The following DCUN1D3 variants were observed in gnomAD, a reference collection of about 807,000 sequenced individuals.
The protein encoded by DCUN1D3 is defective in cullin neddylation 1 domain containing 3.
In DCUN1D3, 6 loss-of-function variants were observed where a neutral mutation model predicts 24.8. That is an observed-to-expected ratio of 0.24 (90% CI 0.13 to 0.48). The LOEUF is 0.48. Ranked by LOEUF, DCUN1D3 falls within the 20% of genes least tolerant of loss-of-function variation. DCUN1D3 has a pLI of 0.99. For missense variants in DCUN1D3, 258 were observed against 379.4 expected (o/e 0.68, Z 2.66); for synonymous variants, 120 against 144.9 (o/e 0.83, Z 1.24).
chr16:20,865,123 T>G (rs893258276), intron 1 of DCUN1D3, among the ~76,000 whole-genome samples: 2 of 149,972 alleles, frequency 1.3e-5, no homozygotes, highest in African/African-American at 4.9e-5. Flanking sequence ...AACCTTGACA[T>G]GTACCCCCAA....
intron 1 of DCUN1D3, among the ~76,000 whole-genome samples, chr16:20,876,686 A>C (rs570958559): frequency 6.6e-6 from 1 of 152,352 alleles, no homozygotes; most frequent in South Asian, 2.1e-4. Context: ...AATAGCCAAA[A>C]TATGGAATCC....
intron 1 of DCUN1D3, among the ~76,000 whole-genome samples, chr16:20,891,128 C>A (rs139321286): frequency 6.6e-6 from 1 of 151,788 alleles, no homozygotes; most frequent in Non-Finnish European, 1.5e-5. Context: ...CGAATAGCTA[C>A]GATTACAGGC....
intron 1 of DCUN1D3, among the ~76,000 whole-genome samples, chr16:20,862,899 C>T (rs933538402): frequency 2.4e-4 from 36 of 152,176 alleles, no homozygotes; most frequent in African/African-American, 7.7e-4. Context: ...TCAAAGAGGC[C>T]GATTCATATG....
intron 1 of DCUN1D3, among the ~76,000 whole-genome samples, chr16:20,879,453 T>C (rs182618305): frequency 7.2e-5 from 11 of 152,272 alleles, no homozygotes; most frequent in Admixed American, 5.9e-4. Flanking sequence ...AAAGAGGAAA[T>C]GTTTGAAACC....
chr16:20,876,825 C>T (rs953858224), intron 1 of DCUN1D3, among the ~76,000 whole-genome samples: 16 of 152,238 alleles, frequency 1.1e-4, no homozygotes, highest in African/African-American at 1.7e-4. Context: ...GAGGTCATTA[C>T]GTTAAGTGAA....
intron 1 of DCUN1D3, among the ~76,000 whole-genome samples, chr16:20,865,266 C>T (rs1221567249): frequency 6.6e-6 from 1 of 151,764 alleles, no homozygotes; most frequent in Non-Finnish European, 1.5e-5. Context: ...CAGATTTACC[C>T]AAATACAATC....
At chr16:20,881,763 CCT>C (rs2081844856) in intron 1 of DCUN1D3, among the ~76,000 whole-genome samples, 1 of 152,068 alleles carries the variant, frequency 6.6e-6, no homozygotes, top group South Asian at 2.1e-4. Flanking sequence ...AAACTGCTCC[CCT>C]AATTTCAAAC....
At chr16:20,889,470 G>A (rs1362433597) in intron 1 of DCUN1D3, among the ~76,000 whole-genome samples, 1 of 152,158 alleles carries the variant, frequency 6.6e-6, no homozygotes, top group Non-Finnish European at 1.5e-5. Flanking sequence ...CACCTTTGAA[G>A]TTCAAGAATA....
rs1437116621 is a variant in DCUN1D3, at chr16:20,858,523, T to TATATATATATATTTTATATAGGTAAA, written c.*1337_*1362dup. On this transcript the variant is annotated 3_prime_UTR_variant, in exon 3 of 3. Coordinates refer to ENST00000324344, the MANE Select transcript of DCUN1D3 (RefSeq NM_173475.4). ...AAAGGAATATAGATACATATATGTG[T>TATATATATATATTTTATATAGGTAAA]ATATATATATATTTTATATAGGTAA... 7.5e-5 allele frequency: 11 copies of TATATATATATATTTTATATAGGTAAA among 146,018 alleles called. No individual in the cohort carries two copies. The highest frequency in any genetic ancestry group is 1.2e-4 in the Non-Finnish European group (8 of 66,590). The allele number at this position is 146,018 out of a possible 1,614,324, so 9.0% of individuals were successfully genotyped here. A position where few individuals can be genotyped will look rare whatever the true frequency, so the allele number is the denominator to read the frequency against.
chr16:20,865,800 G>T (rs576634476), intron 1 of DCUN1D3, among the ~76,000 whole-genome samples: 2 of 152,260 alleles, frequency 1.3e-5, no homozygotes, highest in African/African-American at 2.4e-5. Flanking sequence ...TAAATTGGGG[G>T]TCGTCTTCAA....
intron 1 of DCUN1D3, among the ~76,000 whole-genome samples, chr16:20,886,604 A>G (rs1429887067): frequency 6.6e-6 from 1 of 152,228 alleles, no homozygotes; most frequent in East Asian, 1.9e-4. Flanking sequence ...TAAATCTTCA[A>G]CTGGCACGAT....
chr16:20,883,199 C>T (rs1034135485), intron 1 of DCUN1D3, among the ~76,000 whole-genome samples: 24 of 152,202 alleles, frequency 1.6e-4, no homozygotes, highest in Non-Finnish European at 3.2e-4. Context: ...AACTTCAGTA[C>T]TTTAAAAGTG....
intron 1 of DCUN1D3, among the ~76,000 whole-genome samples, chr16:20,881,360 G>C (rs2081842629): frequency 1.3e-5 from 2 of 152,114 alleles, no homozygotes; most frequent in South Asian, 4.1e-4. Context: ...TGACCGATGA[G>C]TGTGCCACTG....
rs752696240 is a variant in DCUN1D3 at position 20,869,381 on chromosome 16, C to T, written c.-105-6738G>A. Among the ~76,000 whole-genome samples, 5 of 152,278 alleles carry T rather than the reference C, an allele frequency of 3.3e-5. No homozygotes were observed. In the East Asian group the frequency reaches 5.8e-4, roughly 18 times the overall value. ...AAGAAAGGTAGGGAGGGACTGGGGA[C>T]GTGAAATCAGTATCTGTGGAGCCTG... On this transcript the variant is annotated intron_variant, in intron 1 of 2. Transcript: ENST00000324344.
chr16:20,882,100 C>G (rs897438841), intron 1 of DCUN1D3, among the ~76,000 whole-genome samples: 2 of 151,600 alleles, frequency 1.3e-5, no homozygotes, highest in Non-Finnish European at 2.9e-5. Flanking sequence ...CGTGCCCGGC[C>G]TAGTCTTATA....
At chr16:20,883,339 C>T (rs1326264019) in intron 1 of DCUN1D3, among the ~76,000 whole-genome samples, 3 of 152,028 alleles carry the variant, frequency 2.0e-5, no homozygotes, top group African/African-American at 2.4e-5. Context: ...GGTGAAACCC[C>T]GTCTCTACTA....
At chr16:20,886,185 T>C (rs939235148) in intron 1 of DCUN1D3, among the ~76,000 whole-genome samples, 1 of 152,162 alleles carries the variant, frequency 6.6e-6, no homozygotes, top group Non-Finnish European at 1.5e-5. Context: ...CTTGAGTTAG[T>C]CAAGTCTTTA....
At chr16:20,891,610 G>A (rs1322056046) in intron 1 of DCUN1D3, among the ~76,000 whole-genome samples, 2 of 152,184 alleles carry the variant, frequency 1.3e-5, no homozygotes, top group Non-Finnish European at 2.9e-5. Flanking sequence ...CCTTCGAGGG[G>A]GCACAGTGGT....
chr16:20,895,245 C>T (rs1424158543), intron 1 of DCUN1D3, among the ~76,000 whole-genome samples: 1 of 130,422 alleles, frequency 7.7e-6, no homozygotes, highest in Non-Finnish European at 1.6e-5. Context: ...CAGGCATGCA[C>T]CACCATGCCT....
Sources: gnomAD v4.1 joint callset for allele counts (sites outside exome capture counted in the v4.1 genomes callset) on GRCh38, gnomAD v4.1.1 for gene constraint, MANE v1.5 for transcripts, NCBI Gene and HGNC (gene_info 2026-07-23, HGNC 2026-07-21) for gene names.